BCL9: variants seen among roughly 807,000 people sequenced by gnomAD.
The protein encoded by BCL9 is BCL9 transcription coactivator, also known as B-cell CLL/lymphoma 9 protein.
Under a neutral mutation model 88.5 loss-of-function variants are expected in BCL9, and 25 were observed. That is an observed-to-expected ratio of 0.28 (90% CI 0.21 to 0.39). The LOEUF (loss-of-function observed/expected upper bound fraction) is 0.39. Among genes scored for constraint, BCL9 ranks in the 10% least tolerant of loss-of-function variants. BCL9 has a pLI of 1.00. For missense variants in BCL9, 1,817 were observed against 1,877.8 expected (o/e 0.97, Z 0.60); for synonymous variants, 711 against 673.3 (o/e 1.06, Z -0.87).
chr1:147,564,234 C>T (rs1570827807), intron 1 of BCL9, among the ~76,000 whole-genome samples: 1 of 152,084 alleles, frequency 6.6e-6, no homozygotes, highest in East Asian at 1.9e-4. Flanking sequence ...ACCCCTGGCA[C>T]ATTGTGGGAA....
chr1:147,613,181 G>A lies in BCL9; in HGVS notation c.352G>A (p.Asp118Asn), dbSNP rs782700431. The A allele has an allele frequency of 6.8e-6, 11 of 1,614,178 alleles. No homozygotes were observed. Among genetic ancestry groups the A allele is most frequent in the South Asian group, 1.1e-5 (1 of 91,088 alleles). ...TCAGAGAGATCCTGGGACTCCAAAC[G>A]ATGACTCTGACATTAAAGGTATGTC... is the stretch of plus-strand genomic sequence containing the variant. ...FDQRDPGTPNDDSDIKECNSA... is the reference protein window; with the variant it reads ...FDQRDPGTPNNDSDIKECNSA... Residue 118 changes from aspartate (D) to asparagine (N), a missense_variant, in exon 5 of 10, where the codon GAT becomes AAT. Physicochemically the swap from Asp to Asn is conservative, Grantham distance 23 (BLOSUM62 1). This residue lies in a region of BCL9 where 1,228 missense variants were observed against 1,191.6 expected (regional missense o/e 1.03). Transcript: ENST00000234739.
intron 7 of BCL9, among the ~76,000 whole-genome samples, chr1:147,618,264 C>A (rs1553204140): frequency 6.6e-6 from 1 of 152,082 alleles, no homozygotes; most frequent in East Asian, 1.9e-4. Flanking sequence ...CCTCAGTAGT[C>A]ACCCTGCCAG....
At chr1:147,594,026 C>G (rs1414353595) in intron 1 of BCL9, among the ~76,000 whole-genome samples, 2 of 152,124 alleles carry the variant, frequency 1.3e-5, no homozygotes, top group African/African-American at 4.8e-5. Flanking sequence ...GACTCTAAAA[C>G]CAATATTGTT....
chr1:147,555,757 C>T (rs782547088), intron 1 of BCL9, among the ~76,000 whole-genome samples: 45 of 152,276 alleles, frequency 3.0e-4, no homozygotes, highest in African/African-American at 1.0e-3. Context: ...ATTTGTGGGG[C>T]AATCAGATTT....
At chr1:147,592,174 A>G (rs1313146939) in intron 1 of BCL9, among the ~76,000 whole-genome samples, 1 of 152,252 alleles carries the variant, frequency 6.6e-6, no homozygotes, top group Non-Finnish European at 1.5e-5. Flanking sequence ...AAACACTAGC[A>G]CAGAGTAGAG....
rs587594599 is a variant in BCL9 at position 147,619,082 on chromosome 1, C to G, written c.927C>G (p.Pro309=). The G allele has an allele frequency of 1.1e-4, 178 of 1,613,660 alleles. 2 individuals are homozygous for G. In the South Asian group the frequency reaches 1.8e-3, roughly 17 times the overall value. ...PPDGTGPNST[P]NNRAVTPVSQ... is the part of the protein sequence containing the mutation. ...ATGGTACTGGGCCCAACTCAACTCC[C>G]AACAATAGGGCAGTGACCCCTGTCT... Residue 309 remains proline (P), a synonymous_variant, in exon 8 of 10, where the codon CCC becomes CCG. Transcript: ENST00000234739. The surrounding 1 kb of genome is among the most constrained non-coding windows in gnomAD (Gnocchi z 4.1).
intron 1 of BCL9, among the ~76,000 whole-genome samples, chr1:147,576,508 AG>A (rs1656118260): frequency 6.6e-6 from 1 of 152,216 alleles, no homozygotes; most frequent in Non-Finnish European, 1.5e-5. Flanking sequence ...AAAGGCACAA[AG>A]CTTTGAAGTC....
intron 1 of BCL9, among the ~76,000 whole-genome samples, chr1:147,599,857 T>G (rs1553200970): frequency 7.1e-6 from 1 of 140,622 alleles, no homozygotes; most frequent in African/African-American, 2.7e-5. Context: ...CGCGGCGGGT[T>G]GGTACCATCG....
At chr1:147,590,607 CCACTCATCAT>C (rs5777647) in intron 1 of BCL9, among the ~76,000 whole-genome samples, 41,556 of 151,856 alleles carry the variant, frequency 0.27, 8,852 homozygotes, top group African/African-American at 0.58. Context: ...TCAGGAATCA[CCACTCATCAT>C]CACATGACCT....
At chr1:147,574,329 A>AG (rs1656017672) in intron 1 of BCL9, among the ~76,000 whole-genome samples, 1 of 152,212 alleles carries the variant, frequency 6.6e-6, no homozygotes, top group Admixed American at 6.5e-5. Context: ...GGAAGAACGT[A>AG]GTGCAATGTG....
At chr1:147,557,890 A>G (rs1036025196) in intron 1 of BCL9, among the ~76,000 whole-genome samples, 3 of 152,212 alleles carry the variant, frequency 2.0e-5, no homozygotes, top group African/African-American at 4.8e-5. Flanking sequence ...GATGAAATTA[A>G]CATTGTACTG....
intron 1 of BCL9, among the ~76,000 whole-genome samples, chr1:147,565,898 C>T (rs1655573084): frequency 6.6e-6 from 1 of 152,206 alleles, no homozygotes; most frequent in Non-Finnish European, 1.5e-5. Context: ...TACCCACTTT[C>T]ACCCCCATCC....
At position 147,624,275 on chromosome 1, in the gene BCL9, G is replaced by C. The variant is rs141547493; in HGVS notation, c.3597G>C (p.Gly1199=). The C allele has an allele frequency of 6.2e-6, 10 of 1,614,096 alleles. No individual in the cohort carries two copies. Among genetic ancestry groups the C allele is most frequent in the Non-Finnish European group, 7.6e-6 (9 of 1,180,034 alleles). Residue 1199 remains glycine, a synonymous_variant, in exon 10 of 10, where the codon GGG becomes GGC. Coordinates refer to ENST00000234739, the MANE Select transcript of BCL9 (RefSeq NM_004326.4). This position sits in a 1 kb window ranked among gnomAD's most constrained non-coding sequence, Gnocchi z 4.4. ...DAALCKPGGP[G]GPDSFTVLGN... ...CACTTTGCAAGCCTGGAGGCCCCGG[G>C]GGTCCTGACTCCTTCACTGTCCTGG...
intron 1 of BCL9, among the ~76,000 whole-genome samples, chr1:147,551,080 G>C (rs1451107704): frequency 1.3e-5 from 2 of 152,148 alleles, no homozygotes; most frequent in African/African-American, 4.8e-5. Flanking sequence ...CTTTATAAAT[G>C]AGGAGACAAT....
At chr1:147,568,572 GA>G (rs1655720964) in intron 1 of BCL9, among the ~76,000 whole-genome samples, 1 of 151,974 alleles carries the variant, frequency 6.6e-6, no homozygotes, top group Non-Finnish European at 1.5e-5. Flanking sequence ...TACCGAGGGG[GA>G]TTTTTTTTTT....
intron 1 of BCL9, among the ~76,000 whole-genome samples, chr1:147,546,819 T>C (rs909533162): frequency 6.6e-5 from 10 of 152,250 alleles, no homozygotes; most frequent in Admixed American, 2.0e-4. Flanking sequence ...TTTTAATTTA[T>C]ATCCTTTAGG....
intron 2 of BCL9, 68 bp downstream of exon 2, chr1:147,604,979 GTT>G (rs1553201776): frequency 6.6e-6 from 1 of 152,136 alleles, no homozygotes; most frequent in Non-Finnish European, 1.5e-5. Context: ...TTTTGTTTCT[GTT>G]TCTATAGGGC....
At chr1:147,545,944 T>A (rs74125727) in intron 1 of BCL9, among the ~76,000 whole-genome samples, 9,965 of 152,034 alleles carry the variant, frequency 0.066, 666 homozygotes, top group African/African-American at 0.18. Context: ...GCTAATTAAA[T>A]CTCCTTGTTA....
intron 1 of BCL9, among the ~76,000 whole-genome samples, chr1:147,548,367 T>A (rs964536431): frequency 1.3e-5 from 2 of 152,222 alleles, no homozygotes; most frequent in African/African-American, 4.8e-5. Flanking sequence ...CCTGTGCCAG[T>A]GCCCACGTTG....
Sources: gnomAD v4.1 joint callset for allele counts (sites outside exome capture counted in the v4.1 genomes callset) on GRCh38, gnomAD v4.1.1 for gene constraint, gnomAD v4.1.1 regional missense constraint, Gnocchi (gnomAD v3.1) non-coding constraint, MANE v1.5 for transcripts, NCBI Gene and HGNC (gene_info 2026-07-23, HGNC 2026-07-21) for gene names.